Variants in FLCN observed in about 807,000 individuals in gnomAD.
FLCN encodes the protein BHD skin lesion fibrofolliculoma protein.
A neutral mutation model predicts 62.5 loss-of-function variants in FLCN; 22 were observed. The ratio of observed to expected loss-of-function variants is 0.35; its 90% CI spans 0.25 to 0.50. The LOEUF (loss-of-function observed/expected upper bound fraction) is 0.50, where lower values mean the gene tolerates loss of function less well. FLCN is among the 20% of genes least tolerant of loss of function. The probability of loss-of-function intolerance (pLI) is 0.97; values close to 1 mark genes in which losing one functional copy is unlikely to be tolerated. For synonymous variants in FLCN, 319 were observed against 310.0 expected (o/e 1.03, Z -0.30); for missense variants, 657 against 778.0 (o/e 0.84, Z 1.85).
intron 9 of FLCN, 195 bp from the exon 10 acceptor site, chr17:17,217,377 C>T (rs1021614433): frequency 6.5e-6 from 4 of 618,716 alleles, no homozygotes; most frequent in East Asian, 2.8e-5. Context: ...CAGGTTTGCA[C>T]ATAAATGCTA....
chr17:17,221,707 A>G, intron 7 of FLCN, 79 bp from the exon 8 acceptor site: 1 of 1,482,322 alleles, frequency 6.7e-7, no homozygotes, highest in Non-Finnish European at 9.1e-7. Flanking sequence ...CCCTGATCCT[A>G]CCAGTTTAAA....
At position 17,213,626 on chromosome 17, in the gene FLCN, C is replaced by G; in HGVS notation, c.*29G>C. On this transcript the variant is annotated 3_prime_UTR_variant, in exon 14 of 14. Transcript: ENST00000285071. ...CTGGAGGATCCTGTGGACAGCCATC[C>G]CTGTCTTTAGGCAGGTGTGTGTGAC... 6.2e-7 allele frequency: 1 copy of G among 1,614,038 alleles called. No homozygotes were observed. Among genetic ancestry groups the G allele is most frequent in the Non-Finnish European group, 8.5e-7 (1 of 1,179,958 alleles).
chr17:17,214,046 G>A (rs1293756132), intron 13 of FLCN, among the ~76,000 whole-genome samples, 190 bp from the exon 14 acceptor site: 1 of 152,152 alleles, frequency 6.6e-6, no homozygotes. Flanking sequence ...AGCAAGGAAG[G>A]GAAGCTGTCG....
Position 17,216,726 on chromosome 17 carries a change from T to C in FLCN, c.1177-223A>G, listed in dbSNP as rs2046937136. Among the ~76,000 whole-genome samples the C allele has an allele frequency of 6.6e-6, 1 of 152,148 alleles. No homozygotes were observed. Among genetic ancestry groups the C allele is most frequent in the Non-Finnish European group, 1.5e-5 (1 of 68,018 alleles). ...TCTGGACCGCCAGTCACACACCAGCTTGTACCGCCCCTCGCTCTGTGGTGT... is the reference window on the plus strand; with the variant it reads ...TCTGGACCGCCAGTCACACACCAGCCTGTACCGCCCCTCGCTCTGTGGTGT... On this transcript the variant is annotated intron_variant, in intron 10 of 13. Coordinates refer to ENST00000285071, the MANE Select transcript of FLCN (RefSeq NM_144997.7). This position sits in a 1 kb window ranked among gnomAD's most constrained non-coding sequence, Gnocchi z 4.0.
At position 17,213,623 on chromosome 17, in the gene FLCN, A is replaced by G. The variant is rs780520253; in HGVS notation, c.*32T>C. On this transcript the variant is annotated 3_prime_UTR_variant, in exon 14 of 14. Coordinates refer to ENST00000285071, the MANE Select transcript of FLCN (RefSeq NM_144997.7). ...GGGCTGGAGGATCCTGTGGACAGCC[A>G]TCCCTGTCTTTAGGCAGGTGTGTGT... 9.9e-6 allele frequency: 16 copies of G among 1,613,900 alleles called. No individual in the cohort carries two copies. The Admixed American group carries it at 1.2e-4, about 12-fold the overall frequency.
chr17:17,216,867 A>G lies in FLCN; in HGVS notation c.1176+202T>C. On this transcript the variant is annotated intron_variant, in intron 10 of 13. Transcript: ENST00000285071. The surrounding 1 kb of genome is among the most constrained non-coding windows in gnomAD (Gnocchi z 4.0). ...TGTTCCCTCTCAGGCCTGGGCAGTC[A>G]GCAGGCACACGCATCCTTCTGATGA... 1 of 642,420 alleles carries G rather than the reference A, an allele frequency of 1.6e-6. No individual in the cohort carries two copies. The allele number at this position is 642,420 out of a possible 1,614,324, so 39.8% of individuals were successfully genotyped here. A position where few individuals can be genotyped will look rare whatever the true frequency, so the allele number is the denominator to read the frequency against.
At chr17:17,234,475 A>G (rs1597635334) in intron 1 of FLCN, among the ~76,000 whole-genome samples, 1 of 148,828 alleles carries the variant, frequency 6.7e-6, no homozygotes, top group East Asian at 2.1e-4. Flanking sequence ...TCGGCCTCCC[A>G]AAGTGCTGGG....
intron 8 of FLCN, chr17:17,221,205 A>AC: frequency 6.6e-7 from 1 of 1,515,378 alleles, no homozygotes. Context: ...AGGAGCAAAG[A>AC]CCGTCGACCA....
chr17:17,219,292 C>T, intron 8 of FLCN, 83 bp from the exon 9 acceptor site: 1 of 1,443,130 alleles, frequency 6.9e-7, no homozygotes, highest in Non-Finnish European at 9.5e-7. Context: ...ATGGGCTGAG[C>T]CGGTCAGTGT....
chr17:17,216,029 G>A lies in FLCN; in HGVS notation c.1300+351C>T, dbSNP rs2046909123. Among the ~76,000 whole-genome samples the A allele has an allele frequency of 6.6e-6, 1 of 152,140 alleles. No homozygotes were observed. The highest frequency in any genetic ancestry group is 6.5e-5 in the Admixed American group (1 of 15,280). ...AGAAGAGTGAGGAGAGGATGGCAGGGCCCACAGAAGCAGGCAGCTCACACC... is the reference window on the plus strand; with the variant it reads ...AGAAGAGTGAGGAGAGGATGGCAGGACCCACAGAAGCAGGCAGCTCACACC... On this transcript the variant is annotated intron_variant, in intron 11 of 13. Coordinates refer to ENST00000285071, the MANE Select transcript of FLCN (RefSeq NM_144997.7). This position sits in a 1 kb window ranked among gnomAD's most constrained non-coding sequence, Gnocchi z 4.0.
Position 17,215,280 on chromosome 17 carries a change from C to A in FLCN, c.1337G>T (p.Arg446Leu), listed in dbSNP as rs750104212. 6.2e-7 allele frequency: 1 copy of A among 1,614,134 alleles called. No individual in the cohort carries two copies. The highest frequency in any genetic ancestry group is 8.5e-7 in the Non-Finnish European group (1 of 1,180,032). ...AVIVEVHAAA[R>L]STLHPVGCED... ...ACACCCCACAGGGTGGAGGGTGGAA[C>A]GTGCGGCTGCGTGGACCTCCACGAT... Residue 446 changes from arginine (R) to leucine (L), a missense_variant, in exon 12 of 14, where the codon CGT becomes CTT. Coordinates refer to ENST00000285071, the MANE Select transcript of FLCN (RefSeq NM_144997.7).
At position 17,213,796 on chromosome 17, in the gene FLCN, CTG is replaced by C. The variant is rs876660810; in HGVS notation, c.1597_1598del (p.Gln533GlufsTer68). 3 of 1,614,248 alleles carry C rather than the reference CTG, an allele frequency of 1.9e-6. No homozygotes were observed. Among genetic ancestry groups the C allele is most frequent in the Non-Finnish European group, 2.5e-6 (3 of 1,180,040 alleles). On this transcript the variant is annotated frameshift_variant, in exon 14 of 14. Transcript: ENST00000285071. LOFTEE classifies it high-confidence loss of function. ...KVDSRPKEDTQKLLSILGASE... is the reference protein window; with the variant it reads ...KVDSRPKEDTXKLLSILGASE... ...ACGCACCCAGGATGCTCAGCAGCTT[CTG>C]TGTGTCCTCTTTGGGTCGACTGTCC...
intron 7 of FLCN, 128 bp from the exon 8 acceptor site, chr17:17,221,756 C>T (rs1274801916): frequency 2.7e-5 from 26 of 973,300 alleles, no homozygotes; most frequent in South Asian, 2.6e-4. Context: ...AGGGCACAAC[C>T]AGCCAGATCC....
chr17:17,213,316 G>C lies in FLCN; in HGVS notation c.*339C>G, dbSNP rs1312482683. On this transcript the variant is annotated 3_prime_UTR_variant, in exon 14 of 14. Transcript: ENST00000285071. ...TGTTATTGCGACTGCATACTGAGTC[G>C]GACCTGTTTCTCCTGCGGGTTTTGA... 2.1e-6 allele frequency: 1 copy of C among 486,698 alleles called. No individual in the cohort carries two copies. The highest frequency in any genetic ancestry group is 1.9e-5 in the African/African-American group (1 of 52,174). 30.1% of individuals were successfully genotyped at this position (486,698 alleles called of 1,614,324 possible). A position where few individuals can be genotyped will look rare whatever the true frequency, so the allele number is the denominator to read the frequency against.
Position 17,226,253 on chromosome 17 carries a change from C to T in FLCN, c.319G>A (p.Val107Ile), listed in dbSNP as rs1372666497. The change falls in exon 5 of 14, where the codon GTC becomes ATC. Residue 107 changes from valine to isoleucine, a missense_variant. By Grantham distance (29) the Val-to-Ile change is conservative. Coordinates refer to ENST00000285071, the MANE Select transcript of FLCN (RefSeq NM_144997.7). ...GGGTGGCTGGGGTGCTGGTGGCTGA[C>T]GTATTTAATGGAGGTCTCTTTATCA... ...SHDKETSIKYVSHQHPSHPQL... is the reference protein window; with the variant it reads ...SHDKETSIKYISHQHPSHPQL... 2 of 1,614,114 alleles carry T rather than the reference C, an allele frequency of 1.2e-6. No homozygotes were observed. The highest frequency in any genetic ancestry group is 1.7e-6 in the Non-Finnish European group (2 of 1,180,032).
chr17:17,218,542 G>A (rs2046991406), intron 9 of FLCN, among the ~76,000 whole-genome samples: 1 of 151,996 alleles, frequency 6.6e-6, no homozygotes, highest in Non-Finnish European at 1.5e-5. Context: ...ATGCCACCAT[G>A]CCCAGCTAAT....
intron 6 of FLCN, among the ~76,000 whole-genome samples, chr17:17,223,498 C>G (rs2047155707): frequency 6.6e-6 from 1 of 152,250 alleles, no homozygotes; most frequent in Non-Finnish European, 1.5e-5. Flanking sequence ...GAAACAGGCC[C>G]TATGGCTTGA....
intron 13 of FLCN, among the ~76,000 whole-genome samples, chr17:17,214,404 G>A (rs181967202): frequency 4.4e-4 from 67 of 151,898 alleles, no homozygotes; most frequent in Middle Eastern, 3.4e-3. Context: ...GACCAGCCTG[G>A]CCAACATGCT....
rs1209539424 is a variant in FLCN, at chr17:17,227,905, T to G, written c.233A>C (p.Lys78Thr). 6.2e-7 allele frequency: 1 copy of G among 1,614,092 alleles called. No individual in the cohort carries two copies. The highest frequency in any genetic ancestry group is 1.1e-5 in the South Asian group (1 of 91,084). The stretch of plus-strand genomic sequence containing the variant: ...GACACTTGCCTCGCACATGTCCGAC[T>G]TTTTGGGCCCCGGGCTGCTGGACTC... ...SVESSSPGPK[K>T]SDMCEGCRSL... is the part of the protein sequence containing the mutation. Residue 78 changes from lysine to threonine, a missense_variant, in exon 4 of 14, where the codon AAG becomes ACG. Lys to Thr is a moderately conservative substitution (Grantham distance 78). Transcript: ENST00000285071.
Sources: gnomAD v4.1 joint callset for allele counts (sites outside exome capture counted in the v4.1 genomes callset) on GRCh38, gnomAD v4.1.1 for gene constraint, Gnocchi (gnomAD v3.1) non-coding constraint, MANE v1.5 for transcripts, NCBI Gene and HGNC (gene_info 2026-07-23, HGNC 2026-07-21) for gene names.